Variants in TRPV5 observed in about 807,000 individuals in gnomAD.
TRPV5 encodes the protein transient receptor potential cation channel subfamily V member 5.
A neutral mutation model predicts 74.1 loss-of-function variants in TRPV5; 66 were observed. The ratio of observed to expected loss-of-function variants is 0.89; its 90% CI spans 0.73 to 1.09. The LOEUF is 1.09. Ranked by LOEUF, TRPV5 falls within the 50% of genes least tolerant of loss-of-function variation. The pLI is 0.00. For missense variants in TRPV5, 936 were observed against 930.4 expected (o/e 1.01, Z -0.08); for synonymous variants, 399 against 360.7 (o/e 1.11, Z -1.20).
chr7:142,932,079 G>C (rs546778224), intron 1 of TRPV5, among the ~76,000 whole-genome samples: 1 of 152,268 alleles, frequency 6.6e-6, no homozygotes, highest in South Asian at 2.1e-4. Context: ...GTGCTCCTAG[G>C]AGGGGCCTTT....
At chr7:142,930,282 C>T (rs1037906484) in intron 2 of TRPV5, 67 bp downstream of exon 2, 5 of 1,610,430 alleles carry the variant, frequency 3.1e-6, no homozygotes, top group South Asian at 1.1e-5. Flanking sequence ...TTCACAAACT[C>T]GAAGTCTTGG....
At position 142,928,320 on chromosome 7, in the gene TRPV5, C is replaced by T. The variant is rs549773073; in HGVS notation, c.763-86G>A. Reference sequence around the variant, plus strand: ...ACTCCATTGGATGGAGCCAGTTGCCCACCCCTTGAGACAGACAGACAGTGG... The same window carrying T: ...ACTCCATTGGATGGAGCCAGTTGCCTACCCCTTGAGACAGACAGACAGTGG... On this transcript the variant is annotated intron_variant, in intron 6 of 14. Coordinates refer to ENST00000265310, the MANE Select transcript of TRPV5 (RefSeq NM_019841.7). 2.1e-6 allele frequency: 3 copies of T among 1,438,300 alleles called. No homozygotes were observed. In the South Asian group the frequency reaches 3.5e-5, roughly 17 times the overall value. The allele number at this position is 1,438,300 out of a possible 1,614,324, so 89.1% of individuals were successfully genotyped here.
At chr7:142,918,530 T>C (rs1397209075) in intron 8 of TRPV5, among the ~76,000 whole-genome samples, 1 of 152,246 alleles carries the variant, frequency 6.6e-6, no homozygotes, top group Non-Finnish European at 1.5e-5. Context: ...CTGAGACTTA[T>C]CTGTTTAACA....
At chr7:142,923,617 G>A (rs1030905652) in intron 8 of TRPV5, among the ~76,000 whole-genome samples, 3 of 152,134 alleles carry the variant, frequency 2.0e-5, no homozygotes, top group Admixed American at 2.0e-4. Flanking sequence ...GGCTTTCACT[G>A]AAGCAGAAGG....
chr7:142,927,960 C>A (rs1355384063), intron 7 of TRPV5, 128 bp downstream of exon 7: 22 of 1,133,512 alleles, frequency 1.9e-5, no homozygotes, highest in Non-Finnish European at 2.8e-5. Context: ...TCCCAGGAGA[C>A]TATTCTCATC....
chr7:142,912,178 T>C (rs754784258), intron 13 of TRPV5, among the ~76,000 whole-genome samples: 4 of 152,174 alleles, frequency 2.6e-5, no homozygotes, highest in Non-Finnish European at 4.4e-5. Context: ...AAGATCCAAA[T>C]TGAAAACTGG....
At position 142,915,014 on chromosome 7, in the gene TRPV5, A is replaced by G; in HGVS notation, c.1319T>C (p.Met440Thr). 1 of 1,614,098 alleles carries G rather than the reference A, an allele frequency of 6.2e-7. No homozygotes were observed. Among genetic ancestry groups the G allele is most frequent in the South Asian group, 1.1e-5 (1 of 91,080 alleles). ...ITYASLVLVT[M>T]VMRLTNTNGE... Reference sequence around the variant, plus strand: ...ATTGGTGTTGGTGAGCCGCATCACCATGGTCACCAGCACCAGGGAGGCATA... The same window carrying G: ...ATTGGTGTTGGTGAGCCGCATCACCGTGGTCACCAGCACCAGGGAGGCATA... The change falls in exon 11 of 15, where the codon ATG becomes ACG. Residue 440 changes from methionine (M) to threonine (T), a missense_variant. Physicochemically the swap from Met to Thr is moderately conservative, Grantham distance 81. Transcript: ENST00000265310.
chr7:142,930,094 G>C lies in TRPV5; in HGVS notation c.313C>G (p.Leu105Val). The change falls in exon 3 of 15, where the codon CTG (leucine) becomes GTG (valine). Residue 105 changes from leucine to valine, a missense_variant. Transcript: ENST00000265310. ...ALVLMEAAPE[L>V]VFEPTTCEAF... ...TCACATGTGGTGGGCTCAAAGACCA[G>C]CTCTGGGGCAGCCTCCATCAGCACC... The C allele has an allele frequency of 6.2e-7, 1 of 1,614,182 alleles. No homozygotes were observed. The highest frequency in any genetic ancestry group is 8.5e-7 in the Non-Finnish European group (1 of 1,180,028).
intron 8 of TRPV5, among the ~76,000 whole-genome samples, chr7:142,921,631 A>G (rs190161507): frequency 3.9e-5 from 6 of 152,170 alleles, no homozygotes; most frequent in African/African-American, 7.2e-5. Flanking sequence ...TGGTCTCCCA[A>G]TGTCCTTCCT....
intron 13 of TRPV5, 117 bp downstream of exon 13, chr7:142,912,365 G>C (rs985097665): frequency 1.5e-6 from 2 of 1,371,024 alleles, no homozygotes; most frequent in African/African-American, 1.4e-5. Context: ...CTTCTGAGGT[G>C]ACAGCCTCAC....
At chr7:142,930,224 C>T in intron 2 of TRPV5, 44 bp from the exon 3 acceptor site, 1 of 1,608,052 alleles carries the variant, frequency 6.2e-7, no homozygotes, top group Non-Finnish European at 8.5e-7. Context: ...TTTCAGATTC[C>T]CTTGAGGAAG....
chr7:142,925,686 T>A lies in TRPV5; in HGVS notation c.965A>T (p.Asn322Ile), dbSNP rs758854545. 1.9e-6 allele frequency: 3 copies of A among 1,614,116 alleles called. No homozygotes were observed. In the Admixed American group the frequency reaches 5.0e-5, roughly 27 times the overall value. The change falls in exon 8 of 15, where the codon AAC (asparagine) becomes ATC (isoleucine). Residue 322 changes from asparagine (N) to isoleucine (I), a missense_variant. Transcript: ENST00000265310. ...PVKELVSFKWNKYGRPYFCIL... is the reference protein window; with the variant it reads ...PVKELVSFKWIKYGRPYFCIL... The stretch of plus-strand genomic sequence containing the variant: ...GCAGAAGTACGGCCGGCCATACTTG[T>A]TCCACTTGAAGCTCACCAGCTCCTT...
Position 142,908,560 on chromosome 7 carries a change from C to G in TRPV5, c.2144G>C (p.Gly715Ala). 1 of 1,614,240 alleles carries G rather than the reference C, an allele frequency of 6.2e-7. No homozygotes were observed. The highest frequency in any genetic ancestry group is 8.5e-7 in the Non-Finnish European group (1 of 1,180,048). Reference sequence around the variant, plus strand: ...TCCATCCCCCTCACTAAGGTTCAGTCCAAGATTCAAGTGCCCCAGGGTGTT... The same window carrying G: ...TCCATCCCCCTCACTAAGGTTCAGTGCAAGATTCAAGTGCCCCAGGGTGTT... ...RQNTLGHLNL[G>A]LNLSEGDGEE... Residue 715 changes from glycine (G) to alanine (A), a missense_variant, in exon 15 of 15, where the codon GGA becomes GCA. By Grantham distance (60) the Gly-to-Ala change is moderately conservative. Coordinates refer to ENST00000265310, the MANE Select transcript of TRPV5 (RefSeq NM_019841.7).
chr7:142,925,256 C>A (rs755374812), intron 8 of TRPV5: 6 of 559,808 alleles, frequency 1.1e-5, no homozygotes, highest in Non-Finnish European at 1.6e-5. Context: ...TTGTAAATTA[C>A]CAAAAAATTT....
chr7:142,933,648 G>T lies in TRPV5; in HGVS notation c.-189C>A, dbSNP rs1369526964. Reference sequence around the variant, plus strand: ...GTGCATGCAGTATGTGGGTTGTGGGGTGTGCGTGTATGCACAGTGTGTGGC... The same window carrying T: ...GTGCATGCAGTATGTGGGTTGTGGGTTGTGCGTGTATGCACAGTGTGTGGC... On this transcript the variant is annotated 5_prime_UTR_variant, in exon 1 of 15. Coordinates refer to ENST00000265310, the MANE Select transcript of TRPV5 (RefSeq NM_019841.7). The T allele has an allele frequency of 2.1e-5, 15 of 718,702 alleles. No individual in the cohort carries two copies. The highest frequency in any genetic ancestry group is 3.0e-5 in the Non-Finnish European group (13 of 440,372). 44.5% of individuals were successfully genotyped at this position (718,702 alleles called of 1,614,324 possible).
intron 1 of TRPV5, among the ~76,000 whole-genome samples, chr7:142,932,822 G>A (rs1796117998): frequency 1.3e-5 from 2 of 152,194 alleles, no homozygotes; most frequent in Admixed American, 6.5e-5. Flanking sequence ...AAAGGCAGAT[G>A]GACTGAACTC....
chr7:142,928,728 G>T lies in TRPV5; in HGVS notation c.725C>A (p.Thr242Asn). Residue 242 changes from threonine (T) to asparagine (N), a missense_variant, in exon 6 of 15, where the codon ACC becomes AAC. Coordinates refer to ENST00000265310, the MANE Select transcript of TRPV5 (RefSeq NM_019841.7). ...LDLVPNHQGL[T>N]PFKLAGVEGN... is the part of the protein sequence containing the mutation. ...CTCCACTCCAGCCAGCTTGAAGGGG[G>T]TGAGACCCTGGTGATTGGGCACAAG... 1.9e-6 allele frequency: 3 copies of T among 1,614,164 alleles called. No individual in the cohort carries two copies. Among genetic ancestry groups the T allele is most frequent in the Non-Finnish European group, 1.7e-6 (2 of 1,180,000 alleles).
intron 8 of TRPV5, among the ~76,000 whole-genome samples, chr7:142,916,052 C>T (rs1795789960): frequency 6.6e-6 from 1 of 152,194 alleles, no homozygotes. Context: ...CTAGTGAGAC[C>T]TTGAACCATT....
chr7:142,915,341 T>A lies in TRPV5; in HGVS notation c.1252A>T (p.Lys418Ter). ...FRVGASRYFG[K>*]TILGGPFHVI... ...TGGAATGGCCCCCCAAGAATCGTCTTTCCAAAATAGCGAGAGGCACCAACC... is the reference window on the plus strand; with the variant it reads ...TGGAATGGCCCCCCAAGAATCGTCTATCCAAAATAGCGAGAGGCACCAACC... The change falls in exon 10 of 15, where the codon AAG (lysine) becomes TAG (stop). Residue 418 changes from lysine (K) to a stop codon, truncating the protein, a stop_gained. Transcript: ENST00000265310. LOFTEE classifies it high-confidence loss of function. 6.2e-7 allele frequency: 1 copy of A among 1,607,924 alleles called. No homozygotes were observed. The highest frequency in any genetic ancestry group is 8.5e-7 in the Non-Finnish European group (1 of 1,178,518).
Sources: gnomAD v4.1 joint callset for allele counts (sites outside exome capture counted in the v4.1 genomes callset) on GRCh38, gnomAD v4.1.1 for gene constraint, MANE v1.5 for transcripts, NCBI Gene and HGNC (gene_info 2026-07-23, HGNC 2026-07-21) for gene names.